AADACL4: variants seen among roughly 807,000 people sequenced by gnomAD.
AADACL4 encodes arylacetamide deacetylase-like 4.
In AADACL4, 9 loss-of-function variants were observed where a neutral mutation model predicts 14.1. The observed-to-expected ratio is 0.64, with a 90% confidence interval of 0.39 to 1.12. The LOEUF (loss-of-function observed/expected upper bound fraction) is 1.12, where lower values mean the gene tolerates loss of function less well. Among genes scored for constraint, AADACL4 ranks in the 50% most tolerant of loss-of-function variants. The pLI, the probability that AADACL4 is intolerant of heterozygous loss-of-function variation, is 0.01. For missense variants in AADACL4, 531 were observed against 516.1 expected, an observed-to-expected ratio of 1.03 and a Z score of -0.28; for synonymous variants, 188 against 201.6, an observed-to-expected ratio of 0.93 and a Z score of 0.57.
At chr1:12,665,694 A>T (rs527351448) in intron 3 of AADACL4, among the ~76,000 whole-genome samples, 1 of 152,200 alleles carries the variant, frequency 6.6e-6, no homozygotes, top group Admixed American at 6.5e-5. Context: ...AATAGCTTCA[A>T]TGAAAACAAA....
rs1557550829 is a variant in AADACL4 at position 12,658,128 on chromosome 1, C to CT, written c.386-3661dup. Among the ~76,000 whole-genome samples the CT allele has an allele frequency of 9.9e-5, 12 of 121,544 alleles. 1 individual carries two copies. Among genetic ancestry groups the CT allele is most frequent in the African/African-American group, 4.9e-4 (12 of 24,570 alleles). 79.7% of individuals were successfully genotyped at this position (121,544 alleles called of 152,430 possible). A position where few individuals can be genotyped will look rare whatever the true frequency, so the allele number is the denominator to read the frequency against. On this transcript the variant is annotated intron_variant, in intron 2 of 3. Coordinates refer to ENST00000376221, the MANE Select transcript of AADACL4 (RefSeq NM_001013630.2). ...CTTTCTTTCCTTCCTTCCTTCCTTC[C>CT]TTCCTTCCTTCCTTTCTTTCTTTCT... is the stretch of plus-strand genomic sequence containing the variant.
chr1:12,652,305 T>C (rs1446987593), intron 2 of AADACL4, among the ~76,000 whole-genome samples: 1 of 152,120 alleles, frequency 6.6e-6, no homozygotes, highest in Non-Finnish European at 1.5e-5. Context: ...ACACTTAAGC[T>C]CCTTCTCACC....
intron 2 of AADACL4, among the ~76,000 whole-genome samples, chr1:12,657,912 C>T (rs1647191480): frequency 6.6e-6 from 1 of 152,126 alleles, no homozygotes; most frequent in South Asian, 2.1e-4. Flanking sequence ...TTTTATCAGT[C>T]TCTAGCTTCT....
chr1:12,654,046 ATAG>A (rs934118981), intron 2 of AADACL4, among the ~76,000 whole-genome samples: 1 of 152,204 alleles, frequency 6.6e-6, no homozygotes, highest in African/African-American at 2.4e-5. Context: ...CTGTAGGGAA[ATAG>A]TAGTTCCAGG....
chr1:12,665,537 T>TA (rs533674638), intron 3 of AADACL4, among the ~76,000 whole-genome samples: 7 of 150,888 alleles, frequency 4.6e-5, no homozygotes, highest in East Asian at 1.9e-4. Context: ...GATTTTTGAT[T>TA]AAAAAAAAAA....
Position 12,666,859 on chromosome 1 carries a change from G to A in AADACL4, c.*124G>A. ...CATCAATGCTTGGGGCAGCTGGGAA[G>A]GGTGAGAAGTAAGCTAACAGTCTTG... is the stretch of plus-strand genomic sequence containing the variant. On this transcript the variant is annotated 3_prime_UTR_variant, in exon 4 of 4. Coordinates refer to ENST00000376221, the MANE Select transcript of AADACL4 (RefSeq NM_001013630.2). The A allele has an allele frequency of 9.8e-7, 1 of 1,024,314 alleles. No homozygotes were observed. Among genetic ancestry groups the A allele is most frequent in the South Asian group, 1.7e-5 (1 of 60,298 alleles). 63.5% of individuals were successfully genotyped at this position (1,024,314 alleles called of 1,614,324 possible).
intron 2 of AADACL4, among the ~76,000 whole-genome samples, chr1:12,657,379 G>T (rs1647183720): frequency 6.6e-6 from 1 of 152,132 alleles, no homozygotes; most frequent in Non-Finnish European, 1.5e-5. Context: ...AATTGCCAGT[G>T]GTTCTAAAAT....
At position 12,644,237 on chromosome 1, in the gene AADACL4, A is replaced by C. The variant is rs1408589941; in HGVS notation, c.-310A>C. 3.3e-5 allele frequency among the ~76,000 whole-genome samples: 5 copies of C among 152,206 alleles called. No homozygotes were observed. Among genetic ancestry groups the C allele is most frequent in the African/African-American group, 9.6e-5 (4 of 41,464 alleles). On this transcript the variant is annotated 5_prime_UTR_variant, in exon 1 of 4. Coordinates refer to ENST00000376221, the MANE Select transcript of AADACL4 (RefSeq NM_001013630.2). ...TATGAGATCTCTTTCTAGGGTTCCC[A>C]GGAGCCGAGGTGCCCATCTGAGCCT... is the stretch of plus-strand genomic sequence containing the variant.
At chr1:12,658,240 CCCTTCCTT>C (rs567579693) in intron 2 of AADACL4, among the ~76,000 whole-genome samples, 191 of 141,018 alleles carry the variant, frequency 1.4e-3, no homozygotes, top group African/African-American at 5.0e-3. Context: ...TCCCTCCTTC[CCCTTCCTT>C]CCTTCCTTCC....
intron 1 of AADACL4, among the ~76,000 whole-genome samples, chr1:12,645,079 T>C (rs1647102666): frequency 1.4e-5 from 2 of 139,934 alleles, no homozygotes; most frequent in African/African-American, 5.2e-5. Context: ...CCTTCCCTCC[T>C]TCTCCGCTCC....
At position 12,651,995 on chromosome 1, in the gene AADACL4, AT is replaced by A. The variant is rs36055940; in HGVS notation, c.385+669del. ...AGGTGCCTGCCACCGTGACCAGCTA[AT>A]TTTTTTTTTTTTGTATTTTTAGTAG... On this transcript the variant is annotated intron_variant, in intron 2 of 3. Transcript: ENST00000376221. 8.1e-3 allele frequency among the ~76,000 whole-genome samples: 1,157 copies of A among 142,932 alleles called. 12 individuals carry two copies. Among genetic ancestry groups the A allele is most frequent in the African/African-American group, 0.024 (956 of 39,206 alleles). 93.8% of individuals were successfully genotyped at this position (142,932 alleles called of 152,430 possible). A position where few individuals can be genotyped will look rare whatever the true frequency, so the allele number is the denominator to read the frequency against.
chr1:12,665,876 G>A (rs1557553616), intron 3 of AADACL4, 85 bp from the exon 4 acceptor site: 1 of 1,372,582 alleles, frequency 7.3e-7, no homozygotes, highest in East Asian at 2.3e-5. Flanking sequence ...ATATAGTCTT[G>A]TAAGGGGGTT....
intron 3 of AADACL4, among the ~76,000 whole-genome samples, chr1:12,662,087 T>C (rs546908557): frequency 2.8e-4 from 43 of 152,204 alleles, no homozygotes; most frequent in Middle Eastern, 3.4e-3. Flanking sequence ...TTAGATTACA[T>C]AGCCAAGAAG....
chr1:12,664,892 A>G (rs1647287181), intron 3 of AADACL4, among the ~76,000 whole-genome samples: 1 of 152,080 alleles, frequency 6.6e-6, no homozygotes, highest in Non-Finnish European at 1.5e-5. Context: ...TTTGCCCTTG[A>G]ATTTCTTTGA....
chr1:12,658,239 C>T (rs1259033509), intron 2 of AADACL4, among the ~76,000 whole-genome samples: 1 of 142,872 alleles, frequency 7.0e-6, no homozygotes, highest in East Asian at 2.0e-4. Flanking sequence ...CTCCCTCCTT[C>T]CCCTTCCTTC....
intron 2 of AADACL4, among the ~76,000 whole-genome samples, chr1:12,653,848 C>T (rs1180827371): frequency 6.6e-6 from 1 of 152,088 alleles, no homozygotes. Flanking sequence ...CCTCTTTTTC[C>T]CAGGAAGTTT....
chr1:12,658,139 C>CCTTTCTTTCTTTCTTT (rs1191457132), intron 2 of AADACL4, among the ~76,000 whole-genome samples: 13 of 84,932 alleles, frequency 1.5e-4, no homozygotes, highest in Admixed American at 1.4e-3. Flanking sequence ...TTCCTTCCTT[C>CCTTTCTTTCTTTCTTT]CTTTCTTTCT....
chr1:12,647,910 G>C (rs1647121231), intron 1 of AADACL4, among the ~76,000 whole-genome samples: 1 of 152,038 alleles, frequency 6.6e-6, no homozygotes. Flanking sequence ...CGCCTGCCTT[G>C]GCCTCCCAAA....
chr1:12,658,944 G>A (rs1425326174), intron 2 of AADACL4, among the ~76,000 whole-genome samples: 1 of 152,198 alleles, frequency 6.6e-6, no homozygotes, highest in Non-Finnish European at 1.5e-5. Flanking sequence ...TGGATCCTCA[G>A]TGCCTGTTGT....
Sources: gnomAD v4.1 joint callset for allele counts (sites outside exome capture counted in the v4.1 genomes callset) on GRCh38, gnomAD v4.1.1 for gene constraint, MANE v1.5 for transcripts, NCBI Gene and HGNC (gene_info 2026-07-23, HGNC 2026-07-21) for gene names.